Variants in ANKRD30A observed in about 807,000 individuals in gnomAD.
ANKRD30A encodes the protein ankyrin repeat domain-containing protein 30A.
ANKRD30A carries 170 observed loss-of-function variants against 166.3 expected under a neutral mutation model. The observed-to-expected ratio is 1.02, with a 90% CI of 0.90 to 1.16. ANKRD30A has a LOEUF of 1.16. Ranked by LOEUF, ANKRD30A falls within the 50% of genes most tolerant of loss-of-function variation. ANKRD30A has a pLI of 0.00. For synonymous variants in ANKRD30A, 564 were observed against 508.9 expected, an observed-to-expected ratio of 1.11 and a Z score of -1.46; for missense variants, 1,630 against 1,518.0, an observed-to-expected ratio of 1.07 and a Z score of -1.23.
chr10:37,125,895 T>C lies in ANKRD30A; in HGVS notation c.108T>C (p.Ser36=). ...GCAACGACTCCTACATCGTCCACTC[T>C]GGGGATCTTAGAAAGATCCATAAAG... ...YTSNDSYIVH[S]GDLRKIHKAA... is the part of the protein sequence containing the mutation. The change falls in exon 1 of 36, where the codon TCT becomes TCC. Residue 36 remains serine, a synonymous_variant. Coordinates refer to ENST00000361713, the MANE Select transcript of ANKRD30A (RefSeq NM_052997.3). 6.3e-7 allele frequency: 1 copy of C among 1,585,016 alleles called. No homozygotes were observed. Among genetic ancestry groups the C allele is most frequent in the Non-Finnish European group, 8.6e-7 (1 of 1,156,114 alleles).
chr10:37,157,712 A>G (rs1251357639), intron 13 of ANKRD30A, among the ~76,000 whole-genome samples: 3 of 152,126 alleles, frequency 2.0e-5, no homozygotes, highest in Non-Finnish European at 2.9e-5. Flanking sequence ...ACCTTTTTGT[A>G]TAAGTGGATC....
the ANKRD30A span, among the ~76,000 whole-genome samples, chr10:37,238,973 C>T: frequency 1.7e-4 from 26 of 151,944 alleles, no homozygotes; most frequent in African/African-American, 5.3e-4. Flanking sequence ...CATGTTTGTC[C>T]GAAAATGGTG....
Position 37,126,013 on chromosome 10 carries a change from C to T in ANKRD30A, c.221+5C>T. Reference sequence around the variant, plus strand: ...TATACAAGACGCCCAGAAGAGGTACCAGGCCCTGCCTGAGCCGGGGCTGCA... The same window carrying T: ...TATACAAGACGCCCAGAAGAGGTACTAGGCCCTGCCTGAGCCGGGGCTGCA... On this transcript the variant is annotated splice_donor_5th_base_variant and intron_variant, in intron 1 of 35. Transcript: ENST00000361713. 6.2e-7 allele frequency: 1 copy of T among 1,611,942 alleles called. No individual in the cohort carries two copies. Among genetic ancestry groups the T allele is most frequent in the Non-Finnish European group, 8.5e-7 (1 of 1,179,886 alleles).
At chr10:37,221,304 A>T (rs180713975) in intron 34 of ANKRD30A, among the ~76,000 whole-genome samples, 9 of 151,296 alleles carry the variant, frequency 5.9e-5, no homozygotes, top group Admixed American at 3.3e-4. Context: ...TACAAAATCA[A>T]TAACAAACAT....
the ANKRD30A span, among the ~76,000 whole-genome samples, chr10:37,257,453 G>A: frequency 4.6e-5 from 7 of 151,710 alleles, no homozygotes. Flanking sequence ...TTTGAATTTG[G>A]TTGCTCTTGC....
Position 37,201,328 on chromosome 10 carries a change from A to G in ANKRD30A, c.2869+3A>G. ...TAAAATAAGTGGAAAATTAGAAGGT[A>G]AGAACCATCTTTTATTTAAAAGGTC... On this transcript the variant is annotated splice_donor_region_variant and intron_variant, in intron 31 of 35. Coordinates refer to ENST00000361713, the MANE Select transcript of ANKRD30A (RefSeq NM_052997.3). 1 of 1,564,790 alleles carries G rather than the reference A, an allele frequency of 6.4e-7. No homozygotes were observed. Among genetic ancestry groups the G allele is most frequent in the Non-Finnish European group, 8.7e-7 (1 of 1,154,326 alleles).
At chr10:37,126,299 A>C (rs1157549222) in intron 1 of ANKRD30A, among the ~76,000 whole-genome samples, 1 of 152,252 alleles carries the variant, frequency 6.6e-6, no homozygotes, top group Admixed American at 6.5e-5. Flanking sequence ...AGGACTGTGT[A>C]GAGAATTTTA....
At chr10:37,231,985 T>G (rs1843430696) in intron 35 of ANKRD30A, among the ~76,000 whole-genome samples, 1 of 152,058 alleles carries the variant, frequency 6.6e-6, no homozygotes, top group Non-Finnish European at 1.5e-5. Flanking sequence ...TAACTAAATA[T>G]ATACTTTGAG....
At chr10:37,194,378 C>A (rs1447976004) in intron 27 of ANKRD30A, among the ~76,000 whole-genome samples, 5 of 151,202 alleles carry the variant, frequency 3.3e-5, no homozygotes, top group Middle Eastern at 3.4e-3. Context: ...TTTTTTTGAG[C>A]TCGACCAGGC....
At chr10:37,152,777 G>T (rs894440212) in intron 12 of ANKRD30A, among the ~76,000 whole-genome samples, 1 of 152,072 alleles carries the variant, frequency 6.6e-6, no homozygotes, top group Non-Finnish European at 1.5e-5. Flanking sequence ...TCAAATAATA[G>T]TGATGTATTT....
At chr10:37,141,587 A>AG in intron 6 of ANKRD30A, 131 bp from the exon 7 acceptor site, 3 of 1,310,656 alleles carry the variant, frequency 2.3e-6, no homozygotes, top group East Asian at 2.5e-5. Flanking sequence ...AAAAAAAAAA[A>AG]AAAAAAGAGA....
At chr10:37,243,849 C>T in the ANKRD30A span, among the ~76,000 whole-genome samples, 2 of 151,334 alleles carry the variant, frequency 1.3e-5, no homozygotes, top group African/African-American at 2.4e-5. Flanking sequence ...CAATTTCTGG[C>T]GAACCACCGA....
In ANKRD30A at chr10:37,199,718, C is replaced by T. The variant is rs1217065631; in HGVS notation, c.2717-9C>T. The T allele has an allele frequency of 6.5e-7, 1 of 1,550,022 alleles. No homozygotes were observed. The highest frequency in any genetic ancestry group is 1.1e-5 in the South Asian group (1 of 88,296). ...TCTCATGAATGTATCTGTGATTAAC[C>T]TTTTATAGATCAGATGTTCCCTTCA... On this transcript the variant is annotated splice_polypyrimidine_tract_variant and intron_variant, in intron 29 of 35. Coordinates refer to ENST00000361713, the MANE Select transcript of ANKRD30A (RefSeq NM_052997.3).
chr10:37,151,958 G>A, intron 11 of ANKRD30A, 102 bp from the exon 12 acceptor site: 2 of 1,078,720 alleles, frequency 1.9e-6, no homozygotes, highest in Non-Finnish European at 2.7e-6. Context: ...GGCCACAGAG[G>A]AAAAACCACA....
At chr10:37,209,311 G>A (rs1410241820) in intron 31 of ANKRD30A, among the ~76,000 whole-genome samples, 1 of 152,148 alleles carries the variant, frequency 6.6e-6, no homozygotes, top group Non-Finnish European at 1.5e-5. Flanking sequence ...CAGTTCTACA[G>A]GTTGTACAGG....
intron 7 of ANKRD30A, among the ~76,000 whole-genome samples, chr10:37,143,792 A>G (rs1366840499): frequency 6.6e-6 from 1 of 151,352 alleles, no homozygotes; most frequent in East Asian, 1.9e-4. Context: ...ATAAAAAGCC[A>G]TTTGGTAAGC....
intron 19 of ANKRD30A, among the ~76,000 whole-genome samples, chr10:37,167,917 G>C (rs1210189482): frequency 8.3e-6 from 1 of 120,910 alleles, no homozygotes; most frequent in Non-Finnish European, 1.7e-5. Context: ...GTAATGCAAT[G>C]ATATAAATTA....
chr10:37,199,659 G>A lies in ANKRD30A; in HGVS notation c.2717-68G>A, dbSNP rs539199396. On this transcript the variant is annotated intron_variant, in intron 29 of 35. Transcript: ENST00000361713. Reference sequence around the variant, plus strand: ...CAGATTCGTGAATGAAAGTAGATTTGTATATGTTTTTAAAATGTATAGTAG... The same window carrying A: ...CAGATTCGTGAATGAAAGTAGATTTATATATGTTTTTAAAATGTATAGTAG... 699 of 1,050,778 alleles carry A rather than the reference G, an allele frequency of 6.7e-4. 3 individuals are homozygous for A. The highest frequency in any genetic ancestry group is 4.5e-4 in the Admixed American group (22 of 48,504). The allele number at this position is 1,050,778 out of a possible 1,614,324, so 65.1% of individuals were successfully genotyped here. A position where few individuals can be genotyped will look rare whatever the true frequency, so the allele number is the denominator to read the frequency against.
chr10:37,224,530 A>G (rs1843048544), intron 34 of ANKRD30A, among the ~76,000 whole-genome samples: 1 of 151,024 alleles, frequency 6.6e-6, no homozygotes, highest in African/African-American at 2.4e-5. Flanking sequence ...AATAAAAAAT[A>G]TGTATGACCT....
Sources: allele counts gnomAD v4.1 joint callset (sites outside exome capture counted in the v4.1 genomes callset), GRCh38; gene constraint gnomAD v4.1.1; transcripts MANE v1.5; gene names NCBI Gene and HGNC (gene_info 2026-07-23, HGNC 2026-07-21).